SLC49A4: variants seen among roughly 807,000 people sequenced by gnomAD.
SLC49A4 encodes disrupted in renal cancer protein 2.
In SLC49A4, 36 loss-of-function variants were observed where a neutral mutation model predicts 50.6. The ratio of observed to expected loss-of-function variants is 0.71; its 90% CI spans 0.55 to 0.94. The LOEUF is 0.94. Among genes scored for constraint, SLC49A4 ranks in the 40% least tolerant of loss-of-function variants. The pLI is 0.00. For missense variants in SLC49A4, 503 were observed against 605.7 expected (o/e 0.83, Z 1.78); for synonymous variants, 248 against 241.2 (o/e 1.03, Z -0.26).
chr3:122,803,241 G>A, intron 1 of SLC49A4, among the ~76,000 whole-genome samples: 1 of 152,162 alleles, frequency 6.6e-6, no homozygotes, highest in East Asian at 1.9e-4. Context: ...GAGTAGGAAT[G>A]ATCTGGAAGT....
intron 7 of SLC49A4, among the ~76,000 whole-genome samples, chr3:122,862,110 C>T (rs1236594982): frequency 6.6e-6 from 1 of 152,118 alleles, no homozygotes; most frequent in Admixed American, 6.5e-5. Flanking sequence ...GCACACATCT[C>T]ATCAATAAGT....
intron 5 of SLC49A4, 95 bp downstream of exon 5, chr3:122,845,966 G>A (rs560074523): frequency 2.4e-6 from 2 of 819,220 alleles, no homozygotes; most frequent in Non-Finnish European, 3.7e-6. Context: ...TCAAGGACTG[G>A]GTAAAACATC....
chr3:122,868,126 A>AG (rs1395071727), intron 7 of SLC49A4, among the ~76,000 whole-genome samples: 1 of 152,212 alleles, frequency 6.6e-6, no homozygotes, highest in Admixed American at 6.5e-5. Flanking sequence ...AAAAAAAAAA[A>AG]AAAAGTATTC....
intron 5 of SLC49A4, among the ~76,000 whole-genome samples, chr3:122,853,821 G>A (rs1936953949): frequency 6.6e-6 from 1 of 152,158 alleles, no homozygotes; most frequent in Non-Finnish European, 1.5e-5. Flanking sequence ...ACCCTAAGAA[G>A]TCCTTCCAAG....
intron 5 of SLC49A4, among the ~76,000 whole-genome samples, chr3:122,847,472 C>T (rs540221208): frequency 2.0e-5 from 3 of 151,866 alleles, no homozygotes; most frequent in South Asian, 4.2e-4. Context: ...CTCAGCCTCC[C>T]GAGTAGCTGG....
At chr3:122,850,456 G>A (rs962602920) in intron 5 of SLC49A4, among the ~76,000 whole-genome samples, 9 of 151,996 alleles carry the variant, frequency 5.9e-5, no homozygotes, top group African/African-American at 9.7e-5. Context: ...CACCTCTGGC[G>A]AGTATTCTCA....
intron 3 of SLC49A4, among the ~76,000 whole-genome samples, chr3:122,831,231 T>C (rs956372867): frequency 1.3e-5 from 2 of 152,126 alleles, no homozygotes; most frequent in African/African-American, 2.4e-5. Flanking sequence ...TTCCTCAAAA[T>C]GTTAAACAAA....
At chr3:122,850,475 A>T (rs1936911521) in intron 5 of SLC49A4, among the ~76,000 whole-genome samples, 1 of 151,780 alleles carries the variant, frequency 6.6e-6, no homozygotes, top group South Asian at 2.1e-4. Flanking sequence ...CAGGGCAAAC[A>T]GGAAAAGGAT....
intron 6 of SLC49A4, among the ~76,000 whole-genome samples, chr3:122,858,641 A>C (rs541453523): frequency 6.6e-6 from 1 of 152,350 alleles, no homozygotes; most frequent in East Asian, 1.9e-4. Context: ...AAAACAGAAG[A>C]TAGTATTCAA....
rs765599652 is a variant in SLC49A4, at chr3:122,795,462, C to T, written c.270C>T (p.Ile90=). ...CCTACGGCTTCTCCAGCTGGGACATCGCGCTGCTCGTGCTGTGGGGGCCCA... is the reference window on the plus strand; with the variant it reads ...CCTACGGCTTCTCCAGCTGGGACATTGCGCTGCTCGTGCTGTGGGGGCCCA... ...RQAYGFSSWD[I]ALLVLWGPIG... is the part of the protein sequence containing the mutation. The change falls in exon 1 of 9, where the codon ATC becomes ATT. Residue 90 remains isoleucine (I), a synonymous_variant. Transcript: ENST00000261038. 1 of 1,606,858 alleles carries T rather than the reference C, an allele frequency of 6.2e-7. No individual in the cohort carries two copies. Among genetic ancestry groups the T allele is most frequent in the Non-Finnish European group, 8.5e-7 (1 of 1,179,088 alleles).
chr3:122,804,672 A>G (rs879799162), intron 1 of SLC49A4, among the ~76,000 whole-genome samples: 13 of 152,158 alleles, frequency 8.5e-5, no homozygotes, highest in Non-Finnish European at 1.5e-4. Context: ...TTTTGTGGAG[A>G]TGGGGTCTCA....
intron 4 of SLC49A4, among the ~76,000 whole-genome samples, chr3:122,833,910 C>T (rs1231738997): frequency 6.6e-6 from 1 of 152,050 alleles, no homozygotes; most frequent in Non-Finnish European, 1.5e-5. Flanking sequence ...TCACATATCA[C>T]CTGAAATCAT....
intron 5 of SLC49A4, among the ~76,000 whole-genome samples, chr3:122,849,559 C>T (rs1325819164): frequency 6.6e-6 from 1 of 152,106 alleles, no homozygotes; most frequent in Non-Finnish European, 1.5e-5. Context: ...TTTTGTTGTA[C>T]ATTTCCCTGA....
At chr3:122,816,986 GTAA>G (rs1164075061) in intron 2 of SLC49A4, among the ~76,000 whole-genome samples, 1 of 152,176 alleles carries the variant, frequency 6.6e-6, no homozygotes, top group East Asian at 1.9e-4. Context: ...TGACCCTGGG[GTAA>G]TAGTTAATCA....
chr3:122,873,760 A>C (rs575372669), intron 8 of SLC49A4, among the ~76,000 whole-genome samples: 13 of 152,356 alleles, frequency 8.5e-5, no homozygotes, highest in African/African-American at 3.1e-4. Context: ...ATTAGGGAAA[A>C]GTGCCATCAC....
At chr3:122,842,441 G>A (rs71330914) in intron 4 of SLC49A4, among the ~76,000 whole-genome samples, 26,143 of 135,876 alleles carry the variant, frequency 0.19, 3,284 homozygotes, top group East Asian at 0.54. Flanking sequence ...AGCCGAGATC[G>A]CGCCACTGCA....
At chr3:122,872,949 A>C (rs1937215616) in intron 8 of SLC49A4, among the ~76,000 whole-genome samples, 3 of 151,950 alleles carry the variant, frequency 2.0e-5, no homozygotes, top group African/African-American at 2.4e-5. Context: ...CCTCTGGTCT[A>C]TTGCTTTTTA....
chr3:122,839,182 C>G (rs879775187), intron 4 of SLC49A4, among the ~76,000 whole-genome samples: 23 of 152,006 alleles, frequency 1.5e-4, no homozygotes, highest in Non-Finnish European at 3.4e-4. Context: ...GGAAAACTGG[C>G]AAGCCACAAG....
intron 2 of SLC49A4, among the ~76,000 whole-genome samples, chr3:122,814,520 C>T (rs919304796): frequency 2.6e-5 from 4 of 152,106 alleles, no homozygotes; most frequent in African/African-American, 9.7e-5. Flanking sequence ...TCTCAGATTT[C>T]ATCATTTAAA....
Sources: allele counts gnomAD v4.1 joint callset (sites outside exome capture counted in the v4.1 genomes callset), GRCh38; gene constraint gnomAD v4.1.1; transcripts MANE v1.5; gene names NCBI Gene and HGNC (gene_info 2026-07-23, HGNC 2026-07-21).